The following GLG1 variants were observed in gnomAD, a reference collection of about 807,000 sequenced individuals.
The protein encoded by GLG1 is Golgi apparatus protein 1.
In GLG1, 38 loss-of-function variants were observed where a neutral mutation model predicts 160.5. That is an observed-to-expected ratio of 0.24 (90% CI 0.18 to 0.31). GLG1 has a LOEUF of 0.31. Among genes scored for constraint, GLG1 ranks in the 10% least tolerant of loss-of-function variants. GLG1 has a pLI of 1.00. For missense variants in GLG1, 1,373 were observed against 1,505.2 expected (o/e 0.91, Z 1.45); for synonymous variants, 644 against 543.4 (o/e 1.19, Z -2.57).
chr16:74,485,676 C>T lies in GLG1; in HGVS notation c.1571+120G>A, dbSNP rs2015763542. 7 of 861,490 alleles carry T rather than the reference C, an allele frequency of 8.1e-6. No individual in the cohort carries two copies. In the South Asian group the frequency reaches 1.0e-4, roughly 12 times the overall value. The allele number at this position is 861,490 out of a possible 1,614,324, so 53.4% of individuals were successfully genotyped here. On this transcript the variant is annotated intron_variant, in intron 9 of 25. Transcript: ENST00000422840. ...TTAATAAAAGTTGGTGTATGTTCAA[C>T]TTGTTCAACAAAATTTCAGTTAAGA... is the stretch of plus-strand genomic sequence containing the variant.
rs182960905 is a variant in GLG1, at chr16:74,572,199, G to A, written c.438+34458C>T. ...ATCACCAAAGGGCAATGATGCCTAA[G>A]TAATGAAGACTCCATAAAAACCCCA... On this transcript the variant is annotated intron_variant, in intron 1 of 25. Coordinates refer to ENST00000422840, the MANE Select transcript of GLG1 (RefSeq NM_001145667.2). Among the ~76,000 whole-genome samples, 342 of 152,280 alleles carry A rather than the reference G, an allele frequency of 2.2e-3. 7 individuals carry two copies. The highest frequency in any genetic ancestry group is 6.0e-4 in the Non-Finnish European group (41 of 68,026).
intron 22 of GLG1, among the ~76,000 whole-genome samples, chr16:74,460,148 A>G (rs2014730860): frequency 6.6e-6 from 1 of 151,848 alleles, no homozygotes; most frequent in Admixed American, 6.6e-5. Context: ...CAGCCTCCTG[A>G]GTAGCTGGAA....
At chr16:74,513,153 G>C (rs923523081) in intron 2 of GLG1, among the ~76,000 whole-genome samples, 1 of 152,112 alleles carries the variant, frequency 6.6e-6, no homozygotes, top group Admixed American at 6.6e-5. Flanking sequence ...GGATAATTTT[G>C]ACCAAAGAAC....
intron 1 of GLG1, among the ~76,000 whole-genome samples, chr16:74,540,536 A>C (rs369394246): frequency 6.6e-6 from 1 of 151,690 alleles, no homozygotes; most frequent in South Asian, 2.1e-4. Context: ...GGACTGCCTA[A>C]CATTTAAGAA....
intron 2 of GLG1, among the ~76,000 whole-genome samples, chr16:74,525,025 C>T (rs1302506773): frequency 1.3e-5 from 2 of 152,136 alleles, no homozygotes. Flanking sequence ...ATGGCCACAT[C>T]ATGTTTTATT....
chr16:74,498,306 C>A (rs1408183040), intron 4 of GLG1, among the ~76,000 whole-genome samples: 1 of 149,024 alleles, frequency 6.7e-6, no homozygotes, highest in East Asian at 2.0e-4. Flanking sequence ...GTGGTGTGCA[C>A]CTGTAATCCC....
chr16:74,562,168 T>C (rs2018530670), intron 1 of GLG1, among the ~76,000 whole-genome samples: 1 of 152,264 alleles, frequency 6.6e-6, no homozygotes, highest in South Asian at 2.1e-4. Context: ...GTGGTACTTG[T>C]TTCACTGGAC....
chr16:74,604,121 T>G (rs1363508497), intron 1 of GLG1, among the ~76,000 whole-genome samples: 3 of 152,032 alleles, frequency 2.0e-5, no homozygotes, highest in South Asian at 4.1e-4. Context: ...CCCAGAAGAC[T>G]GAGGCTGCAG....
intron 1 of GLG1, among the ~76,000 whole-genome samples, chr16:74,560,430 C>T (rs373767896): frequency 6.9e-4 from 104 of 149,794 alleles, no homozygotes; most frequent in African/African-American, 2.4e-3. Flanking sequence ...CAGGTTCAAG[C>T]GATTCTGCCA....
intron 1 of GLG1, among the ~76,000 whole-genome samples, chr16:74,565,332 C>T (rs1332442302): frequency 6.6e-6 from 1 of 151,994 alleles, no homozygotes; most frequent in African/African-American, 2.4e-5. Flanking sequence ...ATCTCAAAAA[C>T]AACAACAATA....
intron 1 of GLG1, among the ~76,000 whole-genome samples, chr16:74,558,690 C>T (rs1456456419): frequency 2.0e-5 from 3 of 152,008 alleles, no homozygotes; most frequent in Non-Finnish European, 2.9e-5. Flanking sequence ...ATTTCTTACC[C>T]CCAAAGGATG....
At chr16:74,499,782 T>A (rs1158148170) in intron 4 of GLG1, among the ~76,000 whole-genome samples, 1 of 152,130 alleles carries the variant, frequency 6.6e-6, no homozygotes, top group Admixed American at 6.5e-5. Flanking sequence ...GGCAGGTGGA[T>A]CACAAGGTCA....
intron 2 of GLG1, among the ~76,000 whole-genome samples, chr16:74,512,376 G>C (rs1313579906): frequency 6.6e-6 from 1 of 151,546 alleles, no homozygotes; most frequent in Non-Finnish European, 1.5e-5. Context: ...CAATTCTCCT[G>C]CCTCAGCCTC....
At chr16:74,491,298 ATTTC>A in intron 7 of GLG1, 83 bp from the exon 8 acceptor site, 1 of 966,328 alleles carries the variant, frequency 1.0e-6, no homozygotes, top group Non-Finnish European at 1.7e-6. Context: ...AAAAGTACAT[ATTTC>A]TATCTGTAAT....
intron 23 of GLG1, 68 bp downstream of exon 23, chr16:74,459,614 G>T: frequency 1.2e-6 from 1 of 800,454 alleles, no homozygotes; most frequent in Non-Finnish European, 2.1e-6. Context: ...GCAGACTACA[G>T]CATTAAAAGG....
In GLG1 at chr16:74,483,131, A is replaced by G. The variant is rs2015666385; in HGVS notation, c.1572-7T>C. 1 of 1,508,106 alleles carries G rather than the reference A, an allele frequency of 6.6e-7. No homozygotes were observed. The allele number at this position is 1,508,106 out of a possible 1,614,324, so 93.4% of individuals were successfully genotyped here. On this transcript the variant is annotated splice_polypyrimidine_tract_variant and splice_region_variant and intron_variant, in intron 9 of 25. Transcript: ENST00000422840. The stretch of plus-strand genomic sequence containing the variant: ...CATCAGGCACGACAAGATCCTAGCC[A>G]TTAAATGTGTAAAATTGTAACAAGA...
At chr16:74,572,594 G>A (rs1380614521) in intron 1 of GLG1, among the ~76,000 whole-genome samples, 3 of 151,860 alleles carry the variant, frequency 2.0e-5, no homozygotes, top group Non-Finnish European at 2.9e-5. Flanking sequence ...ACTGGACACA[G>A]GTTCCTGGAG....
chr16:74,471,328 T>A, intron 14 of GLG1, 42 bp from the exon 15 acceptor site: 1 of 1,108,256 alleles, frequency 9.0e-7, no homozygotes, highest in Non-Finnish European at 1.4e-6. Context: ...TGGTAACAAT[T>A]AATGAACAAA....
intron 1 of GLG1, among the ~76,000 whole-genome samples, chr16:74,589,218 G>A (rs547563776): frequency 1.7e-4 from 25 of 151,036 alleles, no homozygotes; most frequent in African/African-American, 5.6e-4. Context: ...TTGCGCCACT[G>A]CACTCCAGCC....
Sources: gnomAD v4.1 joint callset for allele counts (sites outside exome capture counted in the v4.1 genomes callset) on GRCh38, gnomAD v4.1.1 for gene constraint, MANE v1.5 for transcripts, NCBI Gene and HGNC (gene_info 2026-07-23, HGNC 2026-07-21) for gene names.